The following DPYD variants were observed in gnomAD, a reference collection of about 807,000 sequenced individuals.
DPYD encodes dihydropyrimidine dehydrogenase, also known as dihydropyrimidine dehydrogenase [NADP(+)].
In DPYD, 109 loss-of-function variants were observed where a neutral mutation model predicts 116.2. The ratio of observed to expected loss-of-function variants is 0.94; its 90% confidence interval spans 0.80 to 1.10. The LOEUF (loss-of-function observed/expected upper bound fraction) is 1.10, where lower values mean the gene tolerates loss of function less well. Among genes scored for constraint, DPYD ranks in the 50% least tolerant of loss-of-function variants. The pLI, the probability that DPYD is intolerant of heterozygous loss-of-function variation, is 0.00. For synonymous variants in DPYD, 440 were observed against 432.0 expected (o/e 1.02, Z -0.23); for missense variants, 1,302 against 1,254.5 (o/e 1.04, Z -0.57).
intron 2 of DPYD, among the ~76,000 whole-genome samples, chr1:97,853,252 A>G (rs1670658052): frequency 6.6e-6 from 1 of 152,206 alleles, no homozygotes; most frequent in Non-Finnish European, 1.5e-5. Context: ...CTCAATATCA[A>G]TGTACTGAAT....
intron 20 of DPYD, among the ~76,000 whole-genome samples, chr1:97,154,606 T>C (rs1655295507): frequency 6.6e-6 from 1 of 151,534 alleles, no homozygotes; most frequent in Non-Finnish European, 1.5e-5. Flanking sequence ...TAGCCAGGCA[T>C]AGTAGCGCAC....
At chr1:97,911,250 T>A (rs1275416744) in intron 1 of DPYD, among the ~76,000 whole-genome samples, 2 of 152,076 alleles carry the variant, frequency 1.3e-5, no homozygotes, top group Non-Finnish European at 2.9e-5. Flanking sequence ...AATATTGTGA[T>A]CTTAAGCATA....
chr1:97,106,410 G>A (rs1456050722), intron 20 of DPYD, among the ~76,000 whole-genome samples: 1 of 152,154 alleles, frequency 6.6e-6, no homozygotes, highest in African/African-American at 2.4e-5. Flanking sequence ...AATACGCCCT[G>A]AGTAAAGAGA....
intron 20 of DPYD, among the ~76,000 whole-genome samples, chr1:97,147,063 A>C (rs1345914261): frequency 1.3e-5 from 2 of 152,180 alleles, no homozygotes; most frequent in Admixed American, 1.3e-4. Context: ...AAGACTGACA[A>C]AATAGGCCAG....
At chr1:97,570,246 G>T (rs1308240374) in intron 11 of DPYD, among the ~76,000 whole-genome samples, 1 of 151,910 alleles carries the variant, frequency 6.6e-6, no homozygotes, top group Admixed American at 6.6e-5. Context: ...TCTTATTATT[G>T]ATATATTTGA....
At chr1:97,574,346 C>T (rs1313391857) in intron 10 of DPYD, among the ~76,000 whole-genome samples, 1 of 151,930 alleles carries the variant, frequency 6.6e-6, no homozygotes, top group Non-Finnish European at 1.5e-5. Flanking sequence ...AAAATAAATA[C>T]TTCTGTTTAT....
intron 3 of DPYD, among the ~76,000 whole-genome samples, chr1:97,745,525 C>A (rs1664500960): frequency 6.6e-6 from 1 of 152,136 alleles, no homozygotes; most frequent in South Asian, 2.1e-4. Flanking sequence ...CAGTTGAGAA[C>A]TTTCCTGTAA....
intron 8 of DPYD, among the ~76,000 whole-genome samples, chr1:97,646,072 A>C (rs1658241525): frequency 6.6e-6 from 1 of 152,134 alleles, no homozygotes; most frequent in Admixed American, 6.6e-5. Flanking sequence ...TGTAAAATAC[A>C]AAAGTTTTCC....
At chr1:97,735,702 A>C (rs1663897474) in intron 4 of DPYD, among the ~76,000 whole-genome samples, 1 of 146,590 alleles carries the variant, frequency 6.8e-6, no homozygotes, top group African/African-American at 2.5e-5. Context: ...AAATAAATAA[A>C]TAAATAAATA....
chr1:97,491,858 A>G (rs1043087702), intron 13 of DPYD, among the ~76,000 whole-genome samples: 3 of 152,092 alleles, frequency 2.0e-5, no homozygotes, highest in Admixed American at 1.3e-4. Context: ...CCCCAATAGT[A>G]GCAAATTCAG....
intron 20 of DPYD, among the ~76,000 whole-genome samples, chr1:97,192,667 T>C (rs1658455169): frequency 6.6e-6 from 1 of 152,192 alleles, no homozygotes. Context: ...GATTTTAATT[T>C]TAAAAACTTC....
At chr1:97,464,317 T>TA in intron 13 of DPYD, among the ~76,000 whole-genome samples, 1 of 151,072 alleles carries the variant, frequency 6.6e-6, no homozygotes, top group East Asian at 2.0e-4. Context: ...GGCAATGAGA[T>TA]AAAAAAGAAA....
At chr1:97,584,468 G>A (rs1445713108) in intron 10 of DPYD, among the ~76,000 whole-genome samples, 1 of 151,930 alleles carries the variant, frequency 6.6e-6, no homozygotes, top group Admixed American at 6.6e-5. Context: ...TAGTGTTTTA[G>A]ACATGAAGTC....
intron 20 of DPYD, among the ~76,000 whole-genome samples, chr1:97,145,814 T>C (rs1221602064): frequency 6.6e-6 from 1 of 151,200 alleles, no homozygotes; most frequent in Non-Finnish European, 1.5e-5. Flanking sequence ...GGAGTCAGGT[T>C]CTCCTGGCAT....
intron 6 of DPYD, among the ~76,000 whole-genome samples, chr1:97,697,123 G>A (rs1393136156): frequency 6.6e-6 from 1 of 151,912 alleles, no homozygotes; most frequent in Non-Finnish European, 1.5e-5. Flanking sequence ...TGTTAAACTC[G>A]TGTCCTAAAA....
intron 2 of DPYD, among the ~76,000 whole-genome samples, chr1:97,877,423 A>G (rs951930635): frequency 1.3e-5 from 2 of 152,000 alleles, no homozygotes; most frequent in Non-Finnish European, 2.9e-5. Context: ...TTCCACTCTC[A>G]CAGATACTTA....
At chr1:97,553,277 C>T (rs901647137) in intron 11 of DPYD, among the ~76,000 whole-genome samples, 2 of 151,856 alleles carry the variant, frequency 1.3e-5, no homozygotes, top group African/African-American at 4.8e-5. Flanking sequence ...TAAAATATAG[C>T]CATTATTTTA....
chr1:97,475,060 A>T (rs147123842), intron 13 of DPYD, among the ~76,000 whole-genome samples: 1 of 152,198 alleles, frequency 6.6e-6, no homozygotes, highest in East Asian at 1.9e-4. Context: ...TAATTTAAAC[A>T]GTATGGTTAT....
chr1:97,656,936 T>G (rs1171419258), intron 8 of DPYD, among the ~76,000 whole-genome samples: 1 of 151,550 alleles, frequency 6.6e-6, no homozygotes, highest in Non-Finnish European at 1.5e-5. Flanking sequence ...AAAACTCAAC[T>G]GCAATTTCTT....
Sources: allele counts gnomAD v4.1 joint callset (sites outside exome capture counted in the v4.1 genomes callset), GRCh38; gene constraint gnomAD v4.1.1; transcripts MANE v1.5; gene names NCBI Gene and HGNC (gene_info 2026-07-23, HGNC 2026-07-21).